Variants in STEAP4 observed in about 807,000 individuals in gnomAD.
STEAP4 encodes metalloreductase STEAP4.
In STEAP4, 36 loss-of-function variants were observed where a neutral mutation model predicts 43.6. The observed-to-expected ratio is 0.83, with a 90% confidence interval of 0.63 to 1.09. The LOEUF is 1.09. STEAP4 is among the 50% of genes least tolerant of loss of function. STEAP4 has a pLI of 0.00. For synonymous variants in STEAP4, 191 were observed against 196.7 expected (o/e 0.97, Z 0.24); for missense variants, 495 against 546.5 (o/e 0.91, Z 0.94).
At chr7:88,288,644 C>T (rs1429931056) in intron 1 of STEAP4, among the ~76,000 whole-genome samples, 2 of 151,992 alleles carry the variant, frequency 1.3e-5, no homozygotes, top group Non-Finnish European at 2.9e-5. Context: ...AACCGCTAAG[C>T]AATGTCATAA....
intron 1 of STEAP4, among the ~76,000 whole-genome samples, chr7:88,299,631 G>A (rs1293666518): frequency 6.6e-6 from 1 of 152,174 alleles, no homozygotes; most frequent in African/African-American, 2.4e-5. Context: ...GTTCATTAGT[G>A]GGTTTTGCTT....
chr7:88,285,469 T>TA (rs1164008503), intron 1 of STEAP4, among the ~76,000 whole-genome samples: 1 of 152,088 alleles, frequency 6.6e-6, no homozygotes, highest in Non-Finnish European at 1.5e-5. Flanking sequence ...TATTAAATAT[T>TA]AAAATTTTTA....
intron 1 of STEAP4, among the ~76,000 whole-genome samples, chr7:88,287,171 A>G (rs1050274991): frequency 6.6e-6 from 1 of 152,200 alleles, no homozygotes; most frequent in Non-Finnish European, 1.5e-5. Flanking sequence ...TGATGAGGCT[A>G]CAGTTATGAG....
chr7:88,278,186 G>C lies in STEAP4; in HGVS notation c.*1212C>G, dbSNP rs931696563. On this transcript the variant is annotated 3_prime_UTR_variant, in exon 5 of 5. Coordinates refer to ENST00000380079, the MANE Select transcript of STEAP4 (RefSeq NM_024636.4). ...TTTAGCTCATTGCTTGAGCTAGGAAGGTTAATCCCCCTGAAGGTCACCTTG... is the reference window on the plus strand; with the variant it reads ...TTTAGCTCATTGCTTGAGCTAGGAACGTTAATCCCCCTGAAGGTCACCTTG... 1 of 152,130 alleles carries C rather than the reference G, an allele frequency of 6.6e-6. No homozygotes were observed. Among genetic ancestry groups the C allele is most frequent in the Non-Finnish European group, 1.5e-5 (1 of 68,030 alleles). The allele number at this position is 152,130 out of a possible 1,614,324, so 9.4% of individuals were successfully genotyped here. A position where few individuals can be genotyped will look rare whatever the true frequency, so the allele number is the denominator to read the frequency against.
intron 1 of STEAP4, among the ~76,000 whole-genome samples, chr7:88,298,785 A>C (rs1191423355): frequency 1.3e-5 from 2 of 152,210 alleles, no homozygotes; most frequent in Non-Finnish European, 2.9e-5. Flanking sequence ...CTTTTTCTAC[A>C]TAAAGAAACT....
At chr7:88,300,588 T>C (rs1458573148) in intron 1 of STEAP4, among the ~76,000 whole-genome samples, 1 of 152,182 alleles carries the variant, frequency 6.6e-6, no homozygotes, top group Non-Finnish European at 1.5e-5. Flanking sequence ...GGTGTGGCTG[T>C]GGCCAGCTTG....
rs370970171 is a variant in STEAP4 at position 88,279,430 on chromosome 7, G to A, written c.1348C>T (p.Arg450Cys). 6.5e-5 allele frequency: 105 copies of A among 1,613,952 alleles called. No individual in the cohort carries two copies. The African/African-American group carries it at 9.7e-4, about 15-fold the overall frequency. ...PCVDNTLTRI[R>C]QGWERNSKH ...TTTGAGTTCCTTTCCCAGCCCTGGC[G>A]GATCCTTGTAAGGGTGTTGTCTACA... is the stretch of plus-strand genomic sequence containing the variant. Residue 450 changes from arginine to cysteine, a missense_variant, in exon 5 of 5, where the codon CGC becomes TGC. Arg to Cys is a radical substitution (Grantham distance 180, BLOSUM62 -3). Coordinates refer to ENST00000380079, the MANE Select transcript of STEAP4 (RefSeq NM_024636.4).
Position 88,278,749 on chromosome 7 carries a change from G to C in STEAP4, c.*649C>G, listed in dbSNP as rs1852556125. 1 of 153,266 alleles carries C rather than the reference G, an allele frequency of 6.5e-6. No individual in the cohort carries two copies. Among genetic ancestry groups the C allele is most frequent in the South Asian group, 2.0e-4 (1 of 4,926 alleles). 9.5% of individuals were successfully genotyped at this position (153,266 alleles called of 1,614,324 possible). On this transcript the variant is annotated 3_prime_UTR_variant, in exon 5 of 5. Transcript: ENST00000380079. Reference sequence around the variant, plus strand: ...ACATGCCAGCTCTATAGATACGTATGTATCCAAGACATGGATACTTTTAAT... The same window carrying C: ...ACATGCCAGCTCTATAGATACGTATCTATCCAAGACATGGATACTTTTAAT...
At position 88,278,615 on chromosome 7, in the gene STEAP4, CT is replaced by C. The variant is rs1211166000; in HGVS notation, c.*782del. ...TTTCTTTGAACTTTTTGATCAAGAA[CT>C]TTTATCAACCCTTCTTTGCTTATTG... is the stretch of plus-strand genomic sequence containing the variant. On this transcript the variant is annotated 3_prime_UTR_variant, in exon 5 of 5. Coordinates refer to ENST00000380079, the MANE Select transcript of STEAP4 (RefSeq NM_024636.4). The C allele has an allele frequency of 5.3e-5, 8 of 152,126 alleles. No homozygotes were observed. Among genetic ancestry groups the C allele is most frequent in the African/African-American group, 1.9e-4 (8 of 41,428 alleles). The allele number at this position is 152,126 out of a possible 1,614,324, so 9.4% of individuals were successfully genotyped here.
At chr7:88,305,060 A>G (rs1018941777) in intron 1 of STEAP4, among the ~76,000 whole-genome samples, 2 of 152,204 alleles carry the variant, frequency 1.3e-5, no homozygotes, top group Non-Finnish European at 2.9e-5. Context: ...AGTTCCTTCT[A>G]AACAACAGTT....
chr7:88,304,713 T>A (rs760826266), intron 1 of STEAP4, among the ~76,000 whole-genome samples: 15 of 151,210 alleles, frequency 9.9e-5, no homozygotes, highest in East Asian at 5.8e-4. Context: ...AAAAAAAAAA[T>A]GATTTTTAAG....
intron 1 of STEAP4, chr7:88,292,632 T>G (rs1210935999): frequency 6.6e-6 from 1 of 152,150 alleles, no homozygotes; most frequent in African/African-American, 2.4e-5. Flanking sequence ...TCATTTTATC[T>G]CATGTGTATG....
At chr7:88,291,640 TAAA>T (rs1212775437) in intron 1 of STEAP4, among the ~76,000 whole-genome samples, 1 of 152,162 alleles carries the variant, frequency 6.6e-6, no homozygotes, top group East Asian at 1.9e-4. Flanking sequence ...TAGCTGTGTG[TAAA>T]TATACGTTCA....
At position 88,272,378 on chromosome 7, in the gene STEAP4, G is replaced by A. The variant is rs1453502545; in HGVS notation, c.*7020C>T. On this transcript the variant is annotated 3_prime_UTR_variant, in exon 5 of 5. Transcript: ENST00000380079. Reference sequence around the variant, plus strand: ...TCATACTTTATTCCTTCCCTGCTCTGTCTACTTTACTACTCCATTCCCAGT... The same window carrying A: ...TCATACTTTATTCCTTCCCTGCTCTATCTACTTTACTACTCCATTCCCAGT... 2.0e-5 allele frequency: 3 copies of A among 152,126 alleles called. No individual in the cohort carries two copies. The allele number at this position is 152,126 out of a possible 1,614,324, so 9.4% of individuals were successfully genotyped here.
chr7:88,285,082 G>A (rs959939086), intron 1 of STEAP4, among the ~76,000 whole-genome samples: 2 of 151,862 alleles, frequency 1.3e-5, no homozygotes, highest in South Asian at 2.1e-4. Context: ...CCAGATGATC[G>A]AACTAGATCA....
Position 88,284,249 on chromosome 7 carries a change from A to T in STEAP4, c.21T>A (p.Asp7Glu), listed in dbSNP as rs1415250337. Reference protein sequence around the residue: MEKTCIDALPLTMNSSE... With the variant: MEKTCIEALPLTMNSSE... ...AAGAATTCATAGTAAGAGGAAGTGC[A>T]TCTATACAAGTTTTCTCCATAACTG... Residue 7 changes from aspartate (D) to glutamate (E), a missense_variant, in exon 2 of 5, where the codon GAT becomes GAA. Physicochemically the swap from Asp to Glu is conservative, Grantham distance 45. Coordinates refer to ENST00000380079, the MANE Select transcript of STEAP4 (RefSeq NM_024636.4). 1.9e-6 allele frequency: 3 copies of T among 1,597,630 alleles called. No individual in the cohort carries two copies. Among genetic ancestry groups the T allele is most frequent in the Non-Finnish European group, 2.6e-6 (3 of 1,171,758 alleles).
chr7:88,283,311 T>C (rs1038330249), intron 2 of STEAP4, 143 bp from the exon 3 acceptor site: 15 of 887,650 alleles, frequency 1.7e-5, no homozygotes, highest in African/African-American at 1.0e-4. Flanking sequence ...AATTAACATA[T>C]GTAACAAGAT....
In STEAP4 at chr7:88,274,930, T is replaced by C. The variant is rs2115928731; in HGVS notation, c.*4468A>G. 1 of 152,362 alleles carries C rather than the reference T, an allele frequency of 6.6e-6. No homozygotes were observed. Among genetic ancestry groups the C allele is most frequent in the Non-Finnish European group, 1.5e-5 (1 of 68,082 alleles). The allele number at this position is 152,362 out of a possible 1,614,324, so 9.4% of individuals were successfully genotyped here. A position where few individuals can be genotyped will look rare whatever the true frequency, so the allele number is the denominator to read the frequency against. ...CTGAGACAGCCAAAGATCACTTTCA[T>C]TGCCATCTTGGTTTTGGTAGGTTTT... On this transcript the variant is annotated 3_prime_UTR_variant, in exon 5 of 5. Transcript: ENST00000380079.
At chr7:88,286,047 TC>T (rs1852727614) in intron 1 of STEAP4, among the ~76,000 whole-genome samples, 1 of 152,164 alleles carries the variant, frequency 6.6e-6, no homozygotes, top group Admixed American at 6.5e-5. Flanking sequence ...TCCAAGGTTA[TC>T]AGAAACTTGC....
Sources: allele counts gnomAD v4.1 joint callset (sites outside exome capture counted in the v4.1 genomes callset), GRCh38; gene constraint gnomAD v4.1.1; transcripts MANE v1.5; gene names NCBI Gene and HGNC (gene_info 2026-07-23, HGNC 2026-07-21).